Variants in C12orf42 observed in about 807,000 individuals in gnomAD.
C12orf42 encodes uncharacterized protein C12orf42.
Under a neutral mutation model 21.6 loss-of-function variants are expected in C12orf42, and 25 were observed. That is an observed-to-expected ratio of 1.16 (90% CI 0.84 to 1.62). The LOEUF (loss-of-function observed/expected upper bound fraction) is 1.62, where lower values mean the gene tolerates loss of function less well. Among genes scored for constraint, C12orf42 ranks in the 40% most tolerant of loss-of-function variants. The pLI, the probability that C12orf42 is intolerant of heterozygous loss-of-function variation, is 0.00. For missense variants in C12orf42, 483 were observed against 459.3 expected, an observed-to-expected ratio of 1.05 and a Z score of -0.47; for synonymous variants, 174 against 175.0, an observed-to-expected ratio of 0.99 and a Z score of 0.05.
intron 2 of C12orf42, among the ~76,000 whole-genome samples, chr12:103,450,518 T>G (rs1951869036): frequency 6.6e-6 from 1 of 152,128 alleles, no homozygotes; most frequent in African/African-American, 2.4e-5. Context: ...TGACAAATAA[T>G]TTGAGGTGAA....
the C12orf42 span, among the ~76,000 whole-genome samples, chr12:103,223,581 T>C: frequency 0.09 from 13,703 of 152,164 alleles, 658 homozygotes; most frequent in East Asian, 0.17. Context: ...ATATCAGCTG[T>C]GGTGGCTTGG....
At chr12:103,392,159 C>T (rs187103761) in intron 3 of C12orf42, among the ~76,000 whole-genome samples, 58 of 152,174 alleles carry the variant, frequency 3.8e-4, no homozygotes, top group South Asian at 1.2e-3. Flanking sequence ...TTTCTTGGTA[C>T]GCTTTTCAAT....
intron 2 of C12orf42, among the ~76,000 whole-genome samples, chr12:103,432,716 C>T (rs1050740712): frequency 6.6e-5 from 10 of 152,254 alleles, no homozygotes; most frequent in Middle Eastern, 3.4e-3. Context: ...TAAGTTGGTA[C>T]AGGTGGGTCC....
chr12:103,551,936 C>T, the C12orf42 span, among the ~76,000 whole-genome samples: 1 of 152,126 alleles, frequency 6.6e-6, no homozygotes. Flanking sequence ...GTGATGATTC[C>T]TTCAAGTGAG....
At chr12:103,498,523 G>A (rs1017416294), upstream of C12orf42, among the ~76,000 whole-genome samples, 2 of 152,204 alleles carry the variant, frequency 1.3e-5, no homozygotes, top group Admixed American at 1.3e-4. Flanking sequence ...CAATATGGAT[G>A]AGCCTAGAGG....
In C12orf42 at chr12:103,261,307, C is replaced by CA. The variant is rs200174133; in HGVS notation, c.*1366+2018dup. 7.8e-4 allele frequency among the ~76,000 whole-genome samples: 117 copies of CA among 149,736 alleles called. 1 individual carries two copies. The highest frequency in any genetic ancestry group is 2.3e-3 in the African/African-American group (96 of 40,862). Reference sequence around the variant, plus strand: ...GCAATACAGTGAAGCCCCATCTCTACAAAAAAAAATGTATATATACAAAAA... The same window carrying CA: ...GCAATACAGTGAAGCCCCATCTCTACAAAAAAAAAATGTATATATACAAAAA... On this transcript the variant is annotated intron_variant and NMD_transcript_variant, in intron 10 of 10. Coordinates refer to the C12orf42 transcript ENST00000547347.
the C12orf42 span, chr12:103,506,307 A>AC: frequency 0.055 from 4,941 of 89,348 alleles, 117 homozygotes; most frequent in South Asian, 0.098. Flanking sequence ...CCATCCCACC[A>AC]CCCCCCCACA....
the C12orf42 span, among the ~76,000 whole-genome samples, chr12:103,515,457 G>C: frequency 6.6e-6 from 1 of 152,190 alleles, no homozygotes; most frequent in East Asian, 1.9e-4. Flanking sequence ...GCACAGATTT[G>C]CTTTGGGGAG....
the C12orf42 span, among the ~76,000 whole-genome samples, chr12:103,107,973 A>G: frequency 4.0e-5 from 6 of 151,648 alleles, no homozygotes; most frequent in African/African-American, 1.4e-4. Flanking sequence ...ATTTAACACA[A>G]ATTATAAAAA....
At position 103,306,102 on chromosome 12, in the gene C12orf42, T is replaced by C; in HGVS notation, c.503A>G (p.Glu168Gly). ...PKQAWNSSFL[E>G]QLVKKPNWAH... ...CCAGTTAGGCTTTTTAACCAGTTGT[T>C]CCAAAAATGAACTGTTCCAAGCCTG... is the stretch of plus-strand genomic sequence containing the variant. Residue 168 changes from glutamate (E) to glycine (G), a missense_variant, in exon 5 of 6, where the codon GAA becomes GGA. By Grantham distance (98) the Glu-to-Gly change is moderately conservative. Transcript: ENST00000548883. The C allele has an allele frequency of 6.2e-7, 1 of 1,613,938 alleles. No individual in the cohort carries two copies. The highest frequency in any genetic ancestry group is 1.3e-5 in the African/African-American group (1 of 75,048).
At chr12:103,413,604 A>G (rs1248312875) in intron 2 of C12orf42, among the ~76,000 whole-genome samples, 3 of 152,070 alleles carry the variant, frequency 2.0e-5, no homozygotes, top group African/African-American at 4.8e-5. Context: ...CACCGTACTC[A>G]GTGTGTAGTC....
intron 4 of C12orf42, among the ~76,000 whole-genome samples, chr12:103,309,384 TTTC>T (rs1486464588): frequency 1.7e-4 from 26 of 151,524 alleles, no homozygotes; most frequent in Non-Finnish European, 2.9e-4. Flanking sequence ...TTAAAAACAT[TTTC>T]TTTTCTTTAG....
At chr12:103,144,219 C>G in the C12orf42 span, among the ~76,000 whole-genome samples, 1 of 151,270 alleles carries the variant, frequency 6.6e-6, no homozygotes, top group African/African-American at 2.4e-5. Context: ...TGGCTTCATT[C>G]TGTTAATAGA....
chr12:103,144,920 CT>C, the C12orf42 span, among the ~76,000 whole-genome samples: 1 of 152,136 alleles, frequency 6.6e-6, no homozygotes, highest in African/African-American at 2.4e-5. Context: ...TGACAACCAT[CT>C]TTTATATCAT....
At chr12:103,132,355 A>G in the C12orf42 span, among the ~76,000 whole-genome samples, 3 of 151,714 alleles carry the variant, frequency 2.0e-5, no homozygotes, top group Non-Finnish European at 4.4e-5. Context: ...CTAACATGGG[A>G]AAAAGTAGAT....
At chr12:103,095,522 C>G in the C12orf42 span, among the ~76,000 whole-genome samples, 10 of 152,232 alleles carry the variant, frequency 6.6e-5, no homozygotes, top group Middle Eastern at 3.4e-3. Flanking sequence ...TACATGTTAC[C>G]TTTTCAATAA....
chr12:103,172,286 C>T, the C12orf42 span, among the ~76,000 whole-genome samples: 6 of 152,010 alleles, frequency 3.9e-5, no homozygotes, highest in Admixed American at 3.9e-4. Flanking sequence ...GAAGAAATAG[C>T]TCTAAGGAAG....
chr12:103,277,835 G>A (rs1490342926), intron 4 of C12orf42, among the ~76,000 whole-genome samples: 5 of 152,032 alleles, frequency 3.3e-5, no homozygotes, highest in Non-Finnish European at 7.4e-5. Context: ...TAGCCAGGAC[G>A]ATCTCAATCT....
chr12:103,055,347 T>C, the C12orf42 span, among the ~76,000 whole-genome samples: 1 of 151,930 alleles, frequency 6.6e-6, no homozygotes, highest in Non-Finnish European at 1.5e-5. Context: ...TTTATGTGTG[T>C]AGAGTTCTTC....
Sources: gnomAD v4.1 joint callset for allele counts (sites outside exome capture counted in the v4.1 genomes callset) on GRCh38, gnomAD v4.1.1 for gene constraint, MANE v1.5 for transcripts, NCBI Gene and HGNC (gene_info 2026-07-23, HGNC 2026-07-21) for gene names.